Variants in TYMS observed in about 807,000 individuals in gnomAD.
TYMS encodes thymidylate synthase.
Under a neutral mutation model 39.3 loss-of-function variants are expected in TYMS, and 21 were observed. That is an observed-to-expected ratio of 0.54 (90% CI 0.38 to 0.77). The LOEUF (loss-of-function observed/expected upper bound fraction) is 0.77. Ranked by LOEUF, TYMS falls within the 30% of genes least tolerant of loss-of-function variation. TYMS has a pLI of 0.00. For synonymous variants in TYMS, 171 were observed against 162.2 expected, an observed-to-expected ratio of 1.05 and a Z score of -0.41; for missense variants, 273 against 406.7, an observed-to-expected ratio of 0.67 and a Z score of 2.83.
chr18:672,432 AATCCTGGCTTTC>A (rs2075105248), intron 6 of TYMS: 1 of 154,826 alleles, frequency 6.5e-6, no homozygotes, highest in African/African-American at 2.4e-5. Context: ...TCATCCCAGG[AATCCTGGCTTTC>A]ATCCCTTTCT....
At chr18:663,405 T>G (rs2074776268) in intron 3 of TYMS, among the ~76,000 whole-genome samples, 1 of 102,652 alleles carries the variant, frequency 9.7e-6, no homozygotes, top group Non-Finnish European at 1.8e-5. Flanking sequence ...CATTGTAGAT[T>G]CTGGATATTA....
chr18:661,822 C>T (rs576673990), intron 2 of TYMS, among the ~76,000 whole-genome samples: 5 of 152,184 alleles, frequency 3.3e-5, no homozygotes, highest in Non-Finnish European at 5.9e-5. Flanking sequence ...ACTGTCTCTA[C>T]TAAAAATACA....
chr18:665,285 G>C (rs2074798631), intron 3 of TYMS, among the ~76,000 whole-genome samples: 1 of 150,812 alleles, frequency 6.6e-6, no homozygotes, highest in African/African-American at 2.4e-5. Context: ...ATTTCTTCTA[G>C]ATTTTCTAGT....
chr18:657,965 T>A lies in TYMS; in HGVS notation c.205+18T>A. 6.6e-7 allele frequency: 1 copy of A among 1,508,664 alleles called. No individual in the cohort carries two copies. Among genetic ancestry groups the A allele is most frequent in the Non-Finnish European group, 8.8e-7 (1 of 1,132,790 alleles). The allele number at this position is 1,508,664 out of a possible 1,614,324, so 93.5% of individuals were successfully genotyped here. On this transcript the variant is annotated intron_variant, in intron 1 of 6. Transcript: ENST00000323274. ...CCTGAGAGGTGACGCCGCGGGCCCCTGCGGGACGGGTGGCGGGAAGGAGGG... is the reference window on the plus strand; with the variant it reads ...CCTGAGAGGTGACGCCGCGGGCCCCAGCGGGACGGGTGGCGGGAAGGAGGG...
At position 667,161 on chromosome 18, in the gene TYMS, AGATGGTGATGGTGATGGT is replaced by A. The variant is rs1318850948; in HGVS notation, c.455-1899_455-1882del. ...GTGATGGTGATGGTGATGGTGATGG[AGATGGTGATGGTGATGGT>A]GATGGTGATGGAGATGGTGATGGTG... is the stretch of plus-strand genomic sequence containing the variant. On this transcript the variant is annotated intron_variant, in intron 3 of 6. Transcript: ENST00000323274. Among the ~76,000 whole-genome samples, 28 of 38,512 alleles carry A rather than the reference AGATGGTGATGGTGATGGT, an allele frequency of 7.3e-4. 2 individuals are homozygous for A. The highest frequency in any genetic ancestry group is 1.0e-3 in the Non-Finnish European group (22 of 21,850). The allele number at this position is 38,512 out of a possible 152,430, so 25.3% of individuals were successfully genotyped here. A position where few individuals can be genotyped will look rare whatever the true frequency, so the allele number is the denominator to read the frequency against.
rs575845981 is a variant in TYMS at position 662,058 on chromosome 18, G to C, written c.280-88G>C. ...TCCTAGCAAGTCAGCAGGGGCCAGA[G>C]GCCCTTGTAAGTGGTGTCTCGGGGG... On this transcript the variant is annotated intron_variant, in intron 2 of 6. Coordinates refer to ENST00000323274, the MANE Select transcript of TYMS (RefSeq NM_001071.4). 6 of 1,398,024 alleles carry C rather than the reference G, an allele frequency of 4.3e-6. No homozygotes were observed. In the South Asian group the frequency reaches 7.2e-5, roughly 17 times the overall value. The allele number at this position is 1,398,024 out of a possible 1,614,324, so 86.6% of individuals were successfully genotyped here. A position where few individuals can be genotyped will look rare whatever the true frequency, so the allele number is the denominator to read the frequency against.
In TYMS at chr18:658,091, C is replaced by A; in HGVS notation, c.205+144C>A. ...GGGAGGGGACGCATCGTCCTCCTCG[C>A]CTTACAGACGCCGAAACGGAGGGTC... On this transcript the variant is annotated intron_variant, in intron 1 of 6. Coordinates refer to ENST00000323274, the MANE Select transcript of TYMS (RefSeq NM_001071.4). The surrounding 1 kb of genome is among the most constrained non-coding windows in gnomAD (Gnocchi z 4.5). 6.3e-7 allele frequency: 1 copy of A among 1,582,594 alleles called. No individual in the cohort carries two copies. Among genetic ancestry groups the A allele is most frequent in the Admixed American group, 1.8e-5 (1 of 56,900 alleles).
chr18:667,239 A>ATGGT lies in TYMS; in HGVS notation c.455-1833_455-1832insTGGT, dbSNP rs2074859819. Among the ~76,000 whole-genome samples, 2 of 13,446 alleles carry ATGGT rather than the reference A, an allele frequency of 1.5e-4. 1 individual carries two copies. Among genetic ancestry groups the ATGGT allele is most frequent in the African/African-American group, 1.4e-3 (2 of 1,430 alleles). The allele number at this position is 13,446 out of a possible 152,430, so 8.8% of individuals were successfully genotyped here. ...GAGATGGTGATGGTGATGGAGATGG[A>ATGGT]GATGGTGATGGTGATGGTGATGGAG... On this transcript the variant is annotated intron_variant, in intron 3 of 6. Transcript: ENST00000323274.
intron 6 of TYMS, 115 bp downstream of exon 6, chr18:671,566 TG>T (rs2144384752): frequency 2.6e-6 from 2 of 768,024 alleles, no homozygotes; most frequent in East Asian, 5.1e-5. Flanking sequence ...GCTCCAAATG[TG>T]GGGCTTCAGT....
At chr18:661,419 A>G (rs1188779229) in intron 2 of TYMS, among the ~76,000 whole-genome samples, 1 of 152,272 alleles carries the variant, frequency 6.6e-6, no homozygotes, top group Non-Finnish European at 1.5e-5. Context: ...TAGTCTGATC[A>G]TTAGGAATAT....
At position 658,108 on chromosome 18, in the gene TYMS, C is replaced by T; in HGVS notation, c.205+161C>T. On this transcript the variant is annotated intron_variant, in intron 1 of 6. Coordinates refer to ENST00000323274, the MANE Select transcript of TYMS (RefSeq NM_001071.4). The surrounding 1 kb of genome is among the most constrained non-coding windows in gnomAD (Gnocchi z 4.5). ...CCTCCTCGCCTTACAGACGCCGAAA[C>T]GGAGGGTCCCATTAGGGACGTGACT... 2 of 1,586,890 alleles carry T rather than the reference C, an allele frequency of 1.3e-6. No homozygotes were observed. Among genetic ancestry groups the T allele is most frequent in the Non-Finnish European group, 1.7e-6 (2 of 1,170,236 alleles).
In TYMS at chr18:659,724, T is replaced by C; in HGVS notation, c.279+10T>C. ...GCTGTGGTTTATCAAGGTAAAGAAGTCGCTGCTATTAGAAGTCAGTAGTCT... is the reference window on the plus strand; with the variant it reads ...GCTGTGGTTTATCAAGGTAAAGAAGCCGCTGCTATTAGAAGTCAGTAGTCT... On this transcript the variant is annotated intron_variant, in intron 2 of 6. Transcript: ENST00000323274. 6.2e-7 allele frequency: 1 copy of C among 1,610,138 alleles called. No individual in the cohort carries two copies. Among genetic ancestry groups the C allele is most frequent in the Non-Finnish European group, 8.5e-7 (1 of 1,176,318 alleles).
chr18:672,732 G>C, intron 6 of TYMS, 128 bp from the exon 7 acceptor site: 2 of 1,062,874 alleles, frequency 1.9e-6, no homozygotes, highest in East Asian at 4.8e-5. Context: ...GCAAGGTATC[G>C]ACAGGATCAT....
rs60409589 is a variant in TYMS at position 667,992 on chromosome 18, A to ATTTTTTTTTTTTTTTTT, written c.455-1077_455-1061dup. ...AATTTTGTTTTACAGATTCACAGGAATTTTTTTTTTTTTTTTTTTAATGCA... is the reference window on the plus strand; with the variant it reads ...AATTTTGTTTTACAGATTCACAGGAATTTTTTTTTTTTTTTTTTTTTTTTTTTTTTTTTTTTAATGCA... On this transcript the variant is annotated intron_variant, in intron 3 of 6. Transcript: ENST00000323274. Among the ~76,000 whole-genome samples the ATTTTTTTTTTTTTTTTT allele has an allele frequency of 2.6e-3, 279 of 105,296 alleles. 34 individuals carry two copies. The highest frequency in any genetic ancestry group is 0.011 in the African/African-American group (247 of 21,800). 69.1% of individuals were successfully genotyped at this position (105,296 alleles called of 152,430 possible).
intron 3 of TYMS, among the ~76,000 whole-genome samples, chr18:667,131 A>AGATGGT (rs1179372941): frequency 8.6e-5 from 3 of 34,742 alleles, no homozygotes; most frequent in Non-Finnish European, 1.4e-4. Context: ...ATGGTGATGG[A>AGATGGT]GATGGTGATG....
rs1567989417 is a variant in TYMS at position 666,915 on chromosome 18, TGATGGAGATGGTGATGGTGATGGA to T, written c.455-2151_455-2128del. ...GAGATGGTGATGGAGATGGTGATGG[TGATGGAGATGGTGATGGTGATGGA>T]GATGGTGATGGTGATGGAGATGGAG... On this transcript the variant is annotated intron_variant, in intron 3 of 6. Transcript: ENST00000323274. Among the ~76,000 whole-genome samples, 71 of 59,544 alleles carry T rather than the reference TGATGGAGATGGTGATGGTGATGGA, an allele frequency of 1.2e-3. 16 individuals carry two copies. Among genetic ancestry groups the T allele is most frequent in the African/African-American group, 2.6e-3 (54 of 20,758 alleles). 39.1% of individuals were successfully genotyped at this position (59,544 alleles called of 152,430 possible).
intron 5 of TYMS, 78 bp downstream of exon 5, chr18:670,945 G>A (rs573894693): frequency 2.0e-6 from 3 of 1,507,690 alleles, no homozygotes; most frequent in South Asian, 1.2e-5. Context: ...AAAACAAATT[G>A]CAGAGTTTAG....
chr18:669,366 A>ATTTTTTTTTTTTTTTTTTTTTTTTTT (rs68090938), intron 4 of TYMS, 193 bp downstream of exon 4: 1 of 182,356 alleles, frequency 5.5e-6, no homozygotes, highest in Admixed American at 7.6e-5. Flanking sequence ...GGCCCAGAGG[A>ATTTTTTTTTTTTTTTTTTTTTTTTTT]TTTTTTTTTT....
At position 664,489 on chromosome 18, in the gene TYMS, C is replaced by T. The variant is rs1207884503; in HGVS notation, c.454+2169C>T. Among the ~76,000 whole-genome samples the T allele has an allele frequency of 3.5e-3, 497 of 140,828 alleles. 3 individuals carry two copies. The highest frequency in any genetic ancestry group is 0.013 in the African/African-American group (476 of 35,440). 92.4% of individuals were successfully genotyped at this position (140,828 alleles called of 152,430 possible). ...CAGGGACAATTTGACTTCCTCTTTT[C>T]CTAATTGAATACCCTTTATTTCCTT... On this transcript the variant is annotated intron_variant, in intron 3 of 6. Coordinates refer to ENST00000323274, the MANE Select transcript of TYMS (RefSeq NM_001071.4).
Sources: allele counts gnomAD v4.1 joint callset (sites outside exome capture counted in the v4.1 genomes callset), GRCh38; gene constraint gnomAD v4.1.1; non-coding constraint Gnocchi (gnomAD v3.1); transcripts MANE v1.5; gene names NCBI Gene and HGNC (gene_info 2026-07-23, HGNC 2026-07-21).